The following KDM4C variants were observed in gnomAD, a reference collection of about 807,000 sequenced individuals.
The protein encoded by KDM4C is lysine demethylase 4C.
KDM4C carries 81 observed loss-of-function variants against 129.3 expected under a neutral mutation model. The observed-to-expected ratio is 0.63, with a 90% CI of 0.52 to 0.75. The LOEUF is 0.75. Ranked by LOEUF, KDM4C falls within the 30% of genes least tolerant of loss-of-function variation. The pLI, the probability that KDM4C is intolerant of heterozygous loss-of-function variation, is 0.00. For synonymous variants in KDM4C, 573 were observed against 456.1 expected, an observed-to-expected ratio of 1.26 and a Z score of -3.26; for missense variants, 1,457 against 1,304.0, an observed-to-expected ratio of 1.12 and a Z score of -1.81.
chr9:6,896,179 A>G (rs1816400314), intron 8 of KDM4C, among the ~76,000 whole-genome samples: 1 of 152,138 alleles, frequency 6.6e-6, no homozygotes, highest in Non-Finnish European at 1.5e-5. Flanking sequence ...GGATGCCCAT[A>G]TTTGTCTTAA....
At chr9:6,869,410 A>C (rs1842526800) in intron 5 of KDM4C, among the ~76,000 whole-genome samples, 3 of 152,230 alleles carry the variant, frequency 2.0e-5, no homozygotes. Flanking sequence ...ACTGGCATTT[A>C]AGTGACACCT....
At chr9:7,094,206 G>A (rs534720138) in intron 17 of KDM4C, among the ~76,000 whole-genome samples, 4 of 152,334 alleles carry the variant, frequency 2.6e-5, no homozygotes, top group African/African-American at 7.2e-5. Flanking sequence ...TGAATAATCC[G>A]GAAGCAGTAT....
chr9:7,174,735 A>C lies in KDM4C; in HGVS notation c.*6A>C. On this transcript the variant is annotated 3_prime_UTR_variant, in exon 22 of 22. Transcript: ENST00000381309. Reference sequence around the variant, plus strand: ...AGTGCCAGAAGAGACAGTAGTCTGCATACATCGCTGCAGGCCACAGAGCAG... The same window carrying C: ...AGTGCCAGAAGAGACAGTAGTCTGCCTACATCGCTGCAGGCCACAGAGCAG... The C allele has an allele frequency of 6.2e-7, 1 of 1,612,902 alleles. No homozygotes were observed. The highest frequency in any genetic ancestry group is 8.5e-7 in the Non-Finnish European group (1 of 1,178,948).
At chr9:7,159,316 A>C (rs1484321931) in intron 19 of KDM4C, among the ~76,000 whole-genome samples, 1 of 152,162 alleles carries the variant, frequency 6.6e-6, no homozygotes, top group Admixed American at 6.5e-5. Context: ...CAATTGGGGC[A>C]TTTAGCCCAT....
At chr9:7,152,736 C>G (rs762940528) in intron 19 of KDM4C, among the ~76,000 whole-genome samples, 4 of 152,148 alleles carry the variant, frequency 2.6e-5, no homozygotes, top group Non-Finnish European at 4.4e-5. Flanking sequence ...GAAAGGGCCT[C>G]CACCCCAAAA....
intron 8 of KDM4C, among the ~76,000 whole-genome samples, chr9:6,942,282 A>T (rs1455739361): frequency 2.1e-5 from 3 of 142,624 alleles, no homozygotes; most frequent in African/African-American, 5.2e-5. Context: ...TAGCCCTCAA[A>T]GTGTGTGTGT....
intron 3 of KDM4C, among the ~76,000 whole-genome samples, chr9:6,811,514 A>G (rs1831143906): frequency 6.6e-6 from 1 of 152,306 alleles, no homozygotes; most frequent in Admixed American, 6.5e-5. Flanking sequence ...AGACGATGAC[A>G]TGCTCATTTG....
At chr9:7,061,913 T>C (rs1831735386) in intron 17 of KDM4C, among the ~76,000 whole-genome samples, 1 of 152,186 alleles carries the variant, frequency 6.6e-6, no homozygotes, top group Admixed American at 6.5e-5. Context: ...TTTCAGCACT[T>C]CCAGAGACAC....
intron 8 of KDM4C, among the ~76,000 whole-genome samples, chr9:6,931,320 T>G (rs879125293): frequency 4.6e-5 from 7 of 152,154 alleles, no homozygotes; most frequent in South Asian, 4.1e-4. Context: ...TGATACACAA[T>G]AAATAAACTT....
At chr9:6,994,071 C>G (rs371611451) in intron 12 of KDM4C, among the ~76,000 whole-genome samples, 1 of 152,104 alleles carries the variant, frequency 6.6e-6, no homozygotes, top group East Asian at 1.9e-4. Context: ...AGCTGTTCCA[C>G]CTCGGATCAT....
upstream of KDM4C, chr9:6,757,832 C>G: frequency 6.1e-6 from 6 of 985,566 alleles, no homozygotes; most frequent in Non-Finnish European, 7.2e-6. Context: ...TGCGCGCCAG[C>G]AAGCCTAAGT....
chr9:6,802,630 T>G (rs911951440), intron 2 of KDM4C, among the ~76,000 whole-genome samples: 1 of 152,222 alleles, frequency 6.6e-6, no homozygotes, highest in Non-Finnish European at 1.5e-5. Flanking sequence ...TGCTTATTTA[T>G]TTATTTATTT....
At chr9:6,831,315 A>C (rs927209406) in intron 4 of KDM4C, among the ~76,000 whole-genome samples, 2 of 152,108 alleles carry the variant, frequency 1.3e-5, no homozygotes, top group Non-Finnish European at 2.9e-5. Context: ...ATGTCATTAT[A>C]GACCCATACT....
intron 8 of KDM4C, among the ~76,000 whole-genome samples, chr9:6,969,198 A>G (rs897068780): frequency 2.6e-5 from 4 of 152,170 alleles, no homozygotes; most frequent in East Asian, 1.9e-4. Flanking sequence ...TGCCTCCCAA[A>G]GTGCTGGGAT....
At chr9:6,987,841 C>A (rs1455652204) in intron 11 of KDM4C, among the ~76,000 whole-genome samples, 1 of 151,864 alleles carries the variant, frequency 6.6e-6, no homozygotes, top group Admixed American at 6.6e-5. Context: ...TTGAAAATAG[C>A]ATTCACATAC....
intron 19 of KDM4C, among the ~76,000 whole-genome samples, chr9:7,145,014 A>T (rs1238384753): frequency 6.6e-6 from 1 of 151,980 alleles, no homozygotes; most frequent in African/African-American, 2.4e-5. Context: ...ATTTTGCTTC[A>T]CCCCTTTGCG....
At chr9:6,898,863 G>A (rs1816886032) in intron 8 of KDM4C, among the ~76,000 whole-genome samples, 2 of 152,050 alleles carry the variant, frequency 1.3e-5, no homozygotes. Context: ...GAGTCTCTAG[G>A]TTATATTTTA....
Position 6,986,348 on chromosome 9 carries a change from C to T in KDM4C, c.1359C>T (p.Asn453=), listed in dbSNP as rs745848208. The change falls in exon 11 of 22, where the codon AAC becomes AAT. Residue 453 remains asparagine, a synonymous_variant. Transcript: ENST00000381309. ...NLSDHIKLSG[N]SCLSTSVTED... ...AGTCTTCTGTTTTATCCTCAGGAAA[C>T]AGCTGCTTAAGTACATCTGTAACAG... The T allele has an allele frequency of 3.7e-6, 6 of 1,603,534 alleles. No individual in the cohort carries two copies. The South Asian group carries it at 5.5e-5, about 15-fold the overall frequency.
intron 14 of KDM4C, among the ~76,000 whole-genome samples, chr9:7,014,969 G>A (rs1823399366): frequency 6.7e-6 from 1 of 149,696 alleles, no homozygotes; most frequent in African/African-American, 2.5e-5. Context: ...ATTATTATGT[G>A]TATACAATAG....
Sources: allele counts gnomAD v4.1 joint callset (sites outside exome capture counted in the v4.1 genomes callset), GRCh38; gene constraint gnomAD v4.1.1; transcripts MANE v1.5; gene names NCBI Gene and HGNC (gene_info 2026-07-23, HGNC 2026-07-21).